C7: variants seen among roughly 807,000 people sequenced by gnomAD.
The protein encoded by C7 is complement C7.
A neutral mutation model predicts 104.8 loss-of-function variants in C7; 83 were observed. That is an observed-to-expected ratio of 0.79 (90% CI 0.66 to 0.95). C7 has a LOEUF of 0.95. Among genes scored for constraint, C7 ranks in the 40% least tolerant of loss-of-function variants. The pLI, the probability that C7 is intolerant of heterozygous loss-of-function variation, is 0.00. For synonymous variants in C7, 415 were observed against 360.6 expected, an observed-to-expected ratio of 1.15 and a Z score of -1.71; for missense variants, 1,070 against 1,011.2, an observed-to-expected ratio of 1.06 and a Z score of -0.79.
At chr5:40,943,047 C>T (rs566552187) in intron 6 of C7, among the ~76,000 whole-genome samples, 1 of 152,356 alleles carries the variant, frequency 6.6e-6, no homozygotes, top group East Asian at 1.9e-4. Context: ...CAGGCATAAG[C>T]CGCCACGCCC....
At chr5:40,942,929 T>A (rs997404763) in intron 6 of C7, among the ~76,000 whole-genome samples, 9 of 152,224 alleles carry the variant, frequency 5.9e-5, no homozygotes, top group African/African-American at 1.7e-4. Flanking sequence ...CATGCCCAGC[T>A]AATTTTTGTA....
intron 7 of C7, 110 bp downstream of exon 7, chr5:40,945,478 A>G (rs1740027491): frequency 7.6e-6 from 5 of 659,136 alleles, no homozygotes; most frequent in South Asian, 7.2e-5. Context: ...AAAATTAGTA[A>G]TAGTAATAGT....
intron 15 of C7, among the ~76,000 whole-genome samples, chr5:40,974,468 T>C (rs1473688931): frequency 6.6e-6 from 1 of 150,686 alleles, no homozygotes; most frequent in African/African-American, 2.4e-5. Flanking sequence ...CAGGCTGGAG[T>C]GCAGCGGCAC....
intron 15 of C7, chr5:40,976,517 A>T (rs1740823286): frequency 3.3e-6 from 1 of 307,154 alleles, no homozygotes; most frequent in African/African-American, 2.2e-5. Flanking sequence ...ACAAATATAA[A>T]TGTTCACGAG....
Position 40,965,335 on chromosome 5 carries a change from G to A in C7, c.1882+462G>A, listed in dbSNP as rs528986597. Among the ~76,000 whole-genome samples the A allele has an allele frequency of 2.9e-4, 44 of 152,224 alleles. No homozygotes were observed. In the South Asian group the frequency reaches 7.1e-3, roughly 24 times the overall value. Reference sequence around the variant, plus strand: ...AGTTTGTTCAGCAAATGAATAGGCCGAGCTGCAGTGATACATTTTTCCTAA... The same window carrying A: ...AGTTTGTTCAGCAAATGAATAGGCCAAGCTGCAGTGATACATTTTTCCTAA... On this transcript the variant is annotated intron_variant, in intron 14 of 17. Coordinates refer to ENST00000313164, the MANE Select transcript of C7 (RefSeq NM_000587.4).
Position 40,972,516 on chromosome 5 carries a change from G to A in C7, c.1996G>A (p.Glu666Lys). The change falls in exon 15 of 18, where the codon GAA becomes AAA. Residue 666 changes from glutamate (E) to lysine (K), a missense_variant. By Grantham distance (56) the Glu-to-Lys change is moderately conservative. Transcript: ENST00000313164. ...TVSCSGGMSLEGPSAFLCGSS... is the reference protein window; with the variant it reads ...TVSCSGGMSLKGPSAFLCGSS... ...TTCCTGTTCAGGTGGCATGTCCTTA[G>A]AAGGTCCTTCAGCATTTCTCTGTGG... 6.2e-7 allele frequency: 1 copy of A among 1,613,778 alleles called. No individual in the cohort carries two copies. The highest frequency in any genetic ancestry group is 8.5e-7 in the Non-Finnish European group (1 of 1,179,754).
At chr5:40,934,513 G>A (rs377582528) in intron 4 of C7, 47 bp downstream of exon 4, 21 of 1,579,518 alleles carry the variant, frequency 1.3e-5, no homozygotes, top group African/African-American at 8.1e-5. Flanking sequence ...AAATTCAAAC[G>A]TTATTTGGTG....
At chr5:40,977,257 G>T (rs1740840351) in intron 16 of C7, among the ~76,000 whole-genome samples, 1 of 152,184 alleles carries the variant, frequency 6.6e-6, no homozygotes, top group Non-Finnish European at 1.5e-5. Context: ...CTCTAGATTT[G>T]CATGGTTAAG....
At chr5:40,917,471 G>T (rs527359113) in intron 1 of C7, among the ~76,000 whole-genome samples, 1 of 151,804 alleles carries the variant, frequency 6.6e-6, no homozygotes, top group Non-Finnish European at 1.5e-5. Flanking sequence ...CTTTTTTTAA[G>T]GCCAAGTACT....
chr5:40,954,790 A>G (rs919985274), intron 9 of C7: 14 of 161,150 alleles, frequency 8.7e-5, no homozygotes, highest in African/African-American at 2.7e-4. Flanking sequence ...AGGCTGAGGC[A>G]TGAGAATTGC....
chr5:40,954,643 G>A (rs1561250989), intron 9 of C7, among the ~76,000 whole-genome samples: 1 of 151,746 alleles, frequency 6.6e-6, no homozygotes, highest in Admixed American at 6.6e-5. Flanking sequence ...CAACACTTTG[G>A]GAGGCTGAGG....
chr5:40,909,740 G>A (rs780368424), intron 1 of C7, 124 bp downstream of exon 1: 13 of 572,460 alleles, frequency 2.3e-5, no homozygotes, highest in Admixed American at 1.4e-4. Context: ...TAAATAGAAG[G>A]CCAGAGGAAA....
At chr5:40,929,294 G>A (rs3792633) in intron 2 of C7, among the ~76,000 whole-genome samples, 1 of 152,108 alleles carries the variant, frequency 6.6e-6, no homozygotes, top group Non-Finnish European at 1.5e-5. Context: ...GGTGATGTGA[G>A]AGCACAGCAG....
intron 6 of C7, among the ~76,000 whole-genome samples, chr5:40,944,671 G>A (rs1420529199): frequency 6.6e-6 from 1 of 152,142 alleles, no homozygotes; most frequent in Non-Finnish European, 1.5e-5. Context: ...CTTTTGGGGT[G>A]ACCCTTTCTT....
At chr5:40,934,708 C>G (rs1739777982) in intron 4 of C7, among the ~76,000 whole-genome samples, 1 of 152,094 alleles carries the variant, frequency 6.6e-6, no homozygotes, top group African/African-American at 2.4e-5. Context: ...GAATGGAACT[C>G]TAGTTACTGA....
At chr5:40,939,069 T>C (rs1739876154) in intron 6 of C7, among the ~76,000 whole-genome samples, 1 of 152,210 alleles carries the variant, frequency 6.6e-6, no homozygotes, top group African/African-American at 2.4e-5. Context: ...TAATTCAGCT[T>C]TTAATATTGA....
intron 7 of C7, among the ~76,000 whole-genome samples, chr5:40,946,194 A>G (rs1740046122): frequency 6.6e-6 from 1 of 152,096 alleles, no homozygotes. Context: ...CAACATTTTT[A>G]TCTAAGGAAG....
chr5:40,968,487 A>G (rs1332287487), intron 14 of C7, among the ~76,000 whole-genome samples: 2 of 148,610 alleles, frequency 1.3e-5, no homozygotes, highest in Admixed American at 6.9e-5. Flanking sequence ...ATATTTCTGT[A>G]TAATCTCCTT....
chr5:40,957,935 T>G lies in C7; in HGVS notation c.1261-98T>G, dbSNP rs1039357488. 6.8e-6 allele frequency: 5 copies of G among 730,584 alleles called. No homozygotes were observed. The African/African-American group carries it at 8.9e-5, about 13-fold the overall frequency. The allele number at this position is 730,584 out of a possible 1,614,324, so 45.3% of individuals were successfully genotyped here. ...AATTGTAACAAACTTGCCCGTGGCT[T>G]TTGATTTTGTTTTAATGAGAGTCGT... On this transcript the variant is annotated intron_variant, in intron 10 of 17. Transcript: ENST00000313164.
Sources: allele counts gnomAD v4.1 joint callset (sites outside exome capture counted in the v4.1 genomes callset), GRCh38; gene constraint gnomAD v4.1.1; transcripts MANE v1.5; gene names NCBI Gene and HGNC (gene_info 2026-07-23, HGNC 2026-07-21).